SCN2A: variants seen among roughly 807,000 people sequenced by gnomAD.
The protein encoded by SCN2A is sodium voltage-gated channel alpha subunit 2.
A neutral mutation model predicts 188.7 loss-of-function variants in SCN2A; 20 were observed. The observed-to-expected ratio is 0.11, with a 90% confidence interval of 0.07 to 0.15. The LOEUF is 0.15. Among genes scored for constraint, SCN2A ranks in the 10% least tolerant of loss-of-function variants. SCN2A has a pLI of 1.00. For synonymous variants in SCN2A, 804 were observed against 833.1 expected (o/e 0.97, Z 0.60); for missense variants, 1,278 against 2,445.0 (o/e 0.52, Z 10.07).
intron 25 of SCN2A, 75 bp downstream of exon 25, chr2:165,381,272 T>A: frequency 9.1e-7 from 1 of 1,093,038 alleles, no homozygotes; most frequent in Non-Finnish European, 1.4e-6. Flanking sequence ...TTCTAGAAAC[T>A]AGTTATTTTT....
In SCN2A at chr2:165,380,744, A is replaced by G. The variant is rs778540333; in HGVS notation, c.4446+15A>G. The stretch of plus-strand genomic sequence containing the variant: ...AGAAAAAGAAGATAAGTATATTAAA[A>G]CTTCATCCTTGCTCTGAAATATGAA... On this transcript the variant is annotated intron_variant, in intron 24 of 26. Transcript: ENST00000375437. 6.4e-7 allele frequency: 1 copy of G among 1,553,976 alleles called. No individual in the cohort carries two copies. The highest frequency in any genetic ancestry group is 8.9e-7 in the Non-Finnish European group (1 of 1,129,354).
intron 18 of SCN2A, among the ~76,000 whole-genome samples, chr2:165,365,528 A>G (rs560779489): frequency 1.2e-4 from 18 of 152,258 alleles, no homozygotes; most frequent in South Asian, 4.1e-4. Flanking sequence ...CATTTTTATG[A>G]ATCATTTTTA....
intron 1 of SCN2A, among the ~76,000 whole-genome samples, chr2:165,284,869 C>A (rs536072814): frequency 6.6e-6 from 1 of 152,124 alleles, no homozygotes; most frequent in Non-Finnish European, 1.5e-5. Flanking sequence ...CATTTAGAGA[C>A]GGTTGAATGA....
intron 8 of SCN2A, among the ~76,000 whole-genome samples, chr2:165,312,606 G>A (rs984474680): frequency 1.3e-5 from 2 of 151,956 alleles, no homozygotes; most frequent in African/African-American, 4.8e-5. Flanking sequence ...TATGACAAAT[G>A]GGTATAATAA....
chr2:165,377,309 A>G (rs1701367035), intron 22 of SCN2A, among the ~76,000 whole-genome samples: 1 of 152,042 alleles, frequency 6.6e-6, no homozygotes, highest in East Asian at 1.9e-4. Context: ...ATATAAACAC[A>G]TCAGAGTCAA....
intron 1 of SCN2A, among the ~76,000 whole-genome samples, chr2:165,291,404 CTTCCTTCCTTCCTCCCTGT>C (rs1696122917): frequency 7.0e-6 from 1 of 143,054 alleles, no homozygotes; most frequent in African/African-American, 2.6e-5. Context: ...TCCTTCCTTC[CTTCCTTCCTTCCTCCCTGT>C]CTGTCTTTCT....
intron 2 of SCN2A, chr2:165,296,802 A>G (rs376455759): frequency 4.4e-4 from 156 of 353,504 alleles, no homozygotes; most frequent in African/African-American, 3.1e-3. Flanking sequence ...TTGATCACAA[A>G]TTTTCTTAAT....
chr2:165,328,986 C>CTT (rs1269103949), intron 13 of SCN2A, among the ~76,000 whole-genome samples: 302 of 89,364 alleles, frequency 3.4e-3, no homozygotes, highest in African/African-American at 9.8e-3. Flanking sequence ...TAAGATAGTC[C>CTT]TTTTTTTTTT....
rs1700954838 is a variant in SCN2A, at chr2:165,370,225, C to T, written c.3775C>T (p.Leu1259=). 6.2e-7 allele frequency: 1 copy of T among 1,614,072 alleles called. No homozygotes were observed. Among genetic ancestry groups the T allele is most frequent in the Non-Finnish European group, 8.5e-7 (1 of 1,179,986 alleles). ...TTACATATTCATTCTGGAAATGCTG[C>T]TAAAGTGGGTTGCATATGGTTTTCA... ...FTYIFILEML[L]KWVAYGFQVY... Residue 1259 remains leucine, a synonymous_variant, in exon 20 of 27, where the codon CTA becomes TTA. Transcript: ENST00000375437.
At chr2:165,313,502 G>C in intron 8 of SCN2A, 118 bp from the exon 9 acceptor site, 1 of 1,126,632 alleles carries the variant, frequency 8.9e-7, no homozygotes, top group South Asian at 1.3e-5. Flanking sequence ...TAAGGTGAGA[G>C]AAATCGGCTT....
chr2:165,353,869 A>G (rs1700052652), intron 16 of SCN2A, among the ~76,000 whole-genome samples: 1 of 152,116 alleles, frequency 6.6e-6, no homozygotes. Flanking sequence ...TCCAAAATAT[A>G]TCAGCATCCC....
intron 17 of SCN2A, among the ~76,000 whole-genome samples, chr2:165,361,341 C>T (rs2105349222): frequency 6.6e-6 from 1 of 152,026 alleles, no homozygotes. Context: ...TGGAAATCAA[C>T]AATATCATAA....
At chr2:165,356,285 G>A (rs12620425) in intron 17 of SCN2A, among the ~76,000 whole-genome samples, 64,458 of 151,824 alleles carry the variant, frequency 0.42, 13,894 homozygotes, top group East Asian at 0.53. Context: ...TACTTTAATT[G>A]GTTGAACTTA....
chr2:165,355,304 C>T (rs1574667302), intron 17 of SCN2A, among the ~76,000 whole-genome samples: 1 of 152,080 alleles, frequency 6.6e-6, no homozygotes, highest in African/African-American at 2.4e-5. Context: ...AACAAAAATC[C>T]TTAATACATT....
chr2:165,346,264 A>G (rs1481843730), intron 16 of SCN2A, among the ~76,000 whole-genome samples: 1 of 151,994 alleles, frequency 6.6e-6, no homozygotes, highest in Admixed American at 6.6e-5. Context: ...CTGTCTTGCT[A>G]GGTTGGGGAA....
At chr2:165,256,107 A>G (rs1330956846) in intron 1 of SCN2A, among the ~76,000 whole-genome samples, 5 of 147,944 alleles carry the variant, frequency 3.4e-5, no homozygotes, top group African/African-American at 1.0e-4. Context: ...CCGGGTTCAA[A>G]CAATTCTCCT....
intron 3 of SCN2A, among the ~76,000 whole-genome samples, chr2:165,301,170 G>T (rs546030102): frequency 6.6e-6 from 1 of 152,118 alleles, no homozygotes; most frequent in South Asian, 2.1e-4. Context: ...AAACCAATTT[G>T]GTGGGTAAGA....
chr2:165,279,694 T>C (rs1205221021), intron 1 of SCN2A, among the ~76,000 whole-genome samples: 1 of 152,058 alleles, frequency 6.6e-6, no homozygotes, highest in Non-Finnish European at 1.5e-5. Flanking sequence ...AGGGAAGAGA[T>C]AGATATGTAA....
intron 1 of SCN2A, chr2:165,272,872 T>C (rs903550345): frequency 8.5e-5 from 13 of 152,072 alleles, no homozygotes; most frequent in African/African-American, 3.1e-4. Flanking sequence ...TGTTCATGCC[T>C]TTAACCATTT....
Sources: gnomAD v4.1 joint callset for allele counts (sites outside exome capture counted in the v4.1 genomes callset) on GRCh38, gnomAD v4.1.1 for gene constraint, MANE v1.5 for transcripts, NCBI Gene and HGNC (gene_info 2026-07-23, HGNC 2026-07-21) for gene names.